KLHL2: variants seen among roughly 807,000 people sequenced by gnomAD.
KLHL2 encodes the protein kelch like family member 2.
Under a neutral mutation model 75.8 loss-of-function variants are expected in KLHL2, and 15 were observed. The observed-to-expected ratio is 0.20, with a 90% CI of 0.13 to 0.30. KLHL2 has a LOEUF of 0.30. Among genes scored for constraint, KLHL2 ranks in the 10% least tolerant of loss-of-function variants. The pLI is 1.00. For synonymous variants in KLHL2, 214 were observed against 251.9 expected, an observed-to-expected ratio of 0.85 and a Z score of 1.42; for missense variants, 381 against 741.0, an observed-to-expected ratio of 0.51 and a Z score of 5.64.
chr4:165,224,228 A>T lies in KLHL2; in HGVS notation c.152+4169A>T, dbSNP rs541935597. On this transcript the variant is annotated intron_variant, in intron 2 of 14. Coordinates refer to ENST00000226725, the MANE Select transcript of KLHL2 (RefSeq NM_007246.4). The stretch of plus-strand genomic sequence containing the variant: ...TGGCATTTTGTGTTTAAAATAAATT[A>T]AAAAAAAAAAAACCTACTGTTTTTT... Among the ~76,000 whole-genome samples the T allele has an allele frequency of 2.7e-3, 318 of 117,596 alleles. 2 individuals carry two copies. The highest frequency in any genetic ancestry group is 9.3e-3 in the African/African-American group (299 of 32,038). 77.1% of individuals were successfully genotyped at this position (117,596 alleles called of 152,430 possible).
At chr4:165,283,452 G>A (rs1476823250) in intron 5 of KLHL2, among the ~76,000 whole-genome samples, 2 of 152,098 alleles carry the variant, frequency 1.3e-5, no homozygotes, top group African/African-American at 4.8e-5. Flanking sequence ...AAACAAAGGG[G>A]CTACTGGCCC....
intron 6 of KLHL2, among the ~76,000 whole-genome samples, chr4:165,296,810 A>G (rs1744947574): frequency 6.6e-6 from 1 of 152,108 alleles, no homozygotes; most frequent in Non-Finnish European, 1.5e-5. Flanking sequence ...ATACTTGTTG[A>G]CAGAATGAAT....
Position 165,254,102 on chromosome 4 carries a change from G to A in KLHL2, c.382-9095G>A, listed in dbSNP as rs545128857. 7.2e-5 allele frequency among the ~76,000 whole-genome samples: 11 copies of A among 152,348 alleles called. No homozygotes were observed. In the South Asian group the frequency reaches 1.0e-3, roughly 14 times the overall value. On this transcript the variant is annotated intron_variant, in intron 4 of 14. Coordinates refer to ENST00000226725, the MANE Select transcript of KLHL2 (RefSeq NM_007246.4). Reference sequence around the variant, plus strand: ...TTGGTGTGGAAGTGTTCAGTAGTTCGTTCTGTTTGTGTCAACATTGTTTTA... The same window carrying A: ...TTGGTGTGGAAGTGTTCAGTAGTTCATTCTGTTTGTGTCAACATTGTTTTA...
intron 13 of KLHL2, 36 bp from the exon 14 acceptor site, chr4:165,317,790 T>G: frequency 6.4e-7 from 1 of 1,564,886 alleles, no homozygotes; most frequent in Non-Finnish European, 8.8e-7. Context: ...ATCCCAATTT[T>G]TTAAATAATT....
intron 5 of KLHL2, among the ~76,000 whole-genome samples, chr4:165,268,254 A>T (rs1742400695): frequency 1.3e-5 from 2 of 151,870 alleles, no homozygotes; most frequent in South Asian, 4.2e-4. Flanking sequence ...GGATTTTTTT[A>T]AAAAACCACC....
chr4:165,242,608 C>T (rs777055635), intron 4 of KLHL2, among the ~76,000 whole-genome samples: 1 of 152,030 alleles, frequency 6.6e-6, no homozygotes, highest in Admixed American at 6.6e-5. Context: ...GCAATTCTCC[C>T]ACCTCAGCCT....
chr4:165,264,729 T>C (rs1355045370), intron 5 of KLHL2, among the ~76,000 whole-genome samples: 8 of 76,874 alleles, frequency 1.0e-4, no homozygotes, highest in East Asian at 6.1e-4. Flanking sequence ...TACATATATA[T>C]ATATATATAT....
At chr4:165,298,418 A>G (rs531551358) in intron 7 of KLHL2, among the ~76,000 whole-genome samples, 1 of 152,314 alleles carries the variant, frequency 6.6e-6, no homozygotes, top group African/African-American at 2.4e-5. Context: ...GAGGGAAAAC[A>G]TTATTTGAAA....
At chr4:165,254,647 GT>G (rs1234922444) in intron 4 of KLHL2, among the ~76,000 whole-genome samples, 1 of 152,144 alleles carries the variant, frequency 6.6e-6, no homozygotes, top group African/African-American at 2.4e-5. Context: ...ACATTTTGTT[GT>G]TTGAATTGGG....
At chr4:165,224,885 A>G (rs1042851291) in intron 2 of KLHL2, among the ~76,000 whole-genome samples, 4 of 152,226 alleles carry the variant, frequency 2.6e-5, no homozygotes, top group African/African-American at 2.4e-5. Context: ...TTTTAAATGT[A>G]TCATTAAATT....
intron 5 of KLHL2, among the ~76,000 whole-genome samples, chr4:165,288,979 T>C (rs531962471): frequency 9.5e-4 from 145 of 152,256 alleles, no homozygotes; most frequent in African/African-American, 3.4e-3. Flanking sequence ...CTAATAGTGA[T>C]TGGCATCAAG....
chr4:165,285,162 A>G (rs1743990157), intron 5 of KLHL2, among the ~76,000 whole-genome samples: 1 of 152,210 alleles, frequency 6.6e-6, no homozygotes, highest in African/African-American at 2.4e-5. Context: ...CCAGATAACC[A>G]TTTATTGTGA....
chr4:165,318,050 A>G (rs924325996), intron 14 of KLHL2, 81 bp downstream of exon 14: 7 of 1,297,210 alleles, frequency 5.4e-6, no homozygotes, highest in South Asian at 1.3e-5. Context: ...TTTTTCTGTT[A>G]TAAGAATAAA....
rs191190505 is a variant in KLHL2, at chr4:165,256,281, C to T, written c.382-6916C>T. ...AAAAAATGTGCAGCCTTTTATTTGT[C>T]TCCATTGGTTGGAAATCAACATGTA... On this transcript the variant is annotated intron_variant, in intron 4 of 14. Transcript: ENST00000226725. Among the ~76,000 whole-genome samples the T allele has an allele frequency of 4.6e-5, 7 of 152,234 alleles. No homozygotes were observed. In the East Asian group the frequency reaches 1.4e-3, roughly 29 times the overall value.
chr4:165,278,435 G>C, intron 5 of KLHL2: 1 of 1,493,524 alleles, frequency 6.7e-7, no homozygotes, highest in Non-Finnish European at 9.3e-7. Flanking sequence ...AATCTCTCGA[G>C]TTTGGAAACA....
intron 5 of KLHL2, among the ~76,000 whole-genome samples, chr4:165,290,625 A>G (rs1210949889): frequency 6.6e-6 from 1 of 152,148 alleles, no homozygotes; most frequent in Non-Finnish European, 1.5e-5. Flanking sequence ...GCGGGATTAT[A>G]TTTTAGATAT....
At chr4:165,294,507 T>TC in intron 6 of KLHL2, 39 bp downstream of exon 6, 2 of 1,142,616 alleles carry the variant, frequency 1.8e-6, no homozygotes, top group Non-Finnish European at 2.6e-6. Flanking sequence ...CAATGATGTT[T>TC]CCCTTTTTTT....
rs139186313 is a variant in KLHL2, at chr4:165,256,082, T to C, written c.382-7115T>C. On this transcript the variant is annotated intron_variant, in intron 4 of 14. Transcript: ENST00000226725. The stretch of plus-strand genomic sequence containing the variant: ...CTATGTAATTTGGCTTGTCAAACAA[T>C]GTGAAGTAGGATGAAAGCATCTTTA... 9.6e-3 allele frequency among the ~76,000 whole-genome samples: 1,459 copies of C among 152,140 alleles called. 21 individuals are homozygous for C. Among genetic ancestry groups the C allele is most frequent in the African/African-American group, 0.031 (1,301 of 41,502 alleles).
intron 4 of KLHL2, chr4:165,252,475 C>G (rs571294424): frequency 6.6e-6 from 1 of 152,168 alleles, no homozygotes; most frequent in South Asian, 2.1e-4. Context: ...ACCTTAATGT[C>G]TTAATCTCAT....
Sources: allele counts gnomAD v4.1 joint callset (sites outside exome capture counted in the v4.1 genomes callset), GRCh38; gene constraint gnomAD v4.1.1; transcripts MANE v1.5; gene names NCBI Gene and HGNC (gene_info 2026-07-23, HGNC 2026-07-21).